The following CLK4 variants were observed in gnomAD, a reference collection of about 807,000 sequenced individuals.
CLK4 encodes the protein dual specificity protein kinase CLK4.
A neutral mutation model predicts 64.4 loss-of-function variants in CLK4; 37 were observed. That is an observed-to-expected ratio of 0.57 (90% CI 0.44 to 0.76). The LOEUF (loss-of-function observed/expected upper bound fraction) is 0.76. Among genes scored for constraint, CLK4 ranks in the 30% least tolerant of loss-of-function variants. The probability of loss-of-function intolerance (pLI) is 0.00; values close to 1 mark genes in which losing one functional copy is unlikely to be tolerated. For synonymous variants in CLK4, 175 were observed against 191.6 expected, an observed-to-expected ratio of 0.91 and a Z score of 0.72; for missense variants, 457 against 605.1, an observed-to-expected ratio of 0.76 and a Z score of 2.57.
intron 9 of CLK4, among the ~76,000 whole-genome samples, chr5:178,609,426 T>G (rs568844386): frequency 3.3e-5 from 5 of 152,310 alleles, no homozygotes; most frequent in Admixed American, 2.0e-4. Context: ...CTCATGCCTG[T>G]AATCCCAGCA....
rs1273832387 is a variant in CLK4, at chr5:178,615,358, A to C, written c.543-1515T>G. Among the ~76,000 whole-genome samples the C allele has an allele frequency of 2.0e-5, 3 of 152,222 alleles. No individual in the cohort carries two copies. In the East Asian group the frequency reaches 5.8e-4, roughly 29 times the overall value. The stretch of plus-strand genomic sequence containing the variant: ...GTATAATGATAAAGCAAATCTTATA[A>C]AATGTAAACATTTGGAAAATAGGTT... On this transcript the variant is annotated intron_variant, in intron 5 of 12. Transcript: ENST00000316308.
chr5:178,612,977 T>A (rs957407462), intron 7 of CLK4, 87 bp from the exon 8 acceptor site: 1 of 632,254 alleles, frequency 1.6e-6, no homozygotes, highest in Non-Finnish European at 2.8e-6. Context: ...AAGGATATAG[T>A]GGTCAAGAGA....
At chr5:178,614,813 T>C (rs1440884954) in intron 5 of CLK4, among the ~76,000 whole-genome samples, 1 of 152,232 alleles carries the variant, frequency 6.6e-6, no homozygotes, top group East Asian at 1.9e-4. Flanking sequence ...TAAAAAAATT[T>C]TTTAATGCTT....
Position 178,605,145 on chromosome 5 carries a change from A to G in CLK4, c.1214+158T>C, listed in dbSNP as rs375932280. Reference sequence around the variant, plus strand: ...ACTCCATCTCAAAAAAAAAAAAAGGAGTAAGATGAAGTTAGAAGTTACCTC... The same window carrying G: ...ACTCCATCTCAAAAAAAAAAAAAGGGGTAAGATGAAGTTAGAAGTTACCTC... On this transcript the variant is annotated intron_variant, in intron 11 of 12. Coordinates refer to ENST00000316308, the MANE Select transcript of CLK4 (RefSeq NM_020666.3). The G allele has an allele frequency of 1.5e-3, 479 of 328,486 alleles. 3 individuals are homozygous for G. The highest frequency in any genetic ancestry group is 0.011 in the African/African-American group (446 of 41,478). The allele number at this position is 328,486 out of a possible 1,614,324, so 20.3% of individuals were successfully genotyped here.
rs1461207539 is a variant in CLK4 at position 178,617,852 on chromosome 5, T to C, written c.385-418A>G. The C allele has an allele frequency of 1.3e-5, 2 of 152,796 alleles. No individual in the cohort carries two copies. Among genetic ancestry groups the C allele is most frequent in the Non-Finnish European group, 2.9e-5 (2 of 68,474 alleles). 9.5% of individuals were successfully genotyped at this position (152,796 alleles called of 1,614,324 possible). A position where few individuals can be genotyped will look rare whatever the true frequency, so the allele number is the denominator to read the frequency against. On this transcript the variant is annotated intron_variant, in intron 3 of 12. Coordinates refer to ENST00000316308, the MANE Select transcript of CLK4 (RefSeq NM_020666.3). This position sits in a 1 kb window ranked among gnomAD's most constrained non-coding sequence, Gnocchi z 5.2. ...AAAATGTCAAGACTATTTGAAATTA[T>C]TCTAATTTAGCAATATTTTAAAATA... is the stretch of plus-strand genomic sequence containing the variant.
chr5:178,620,233 G>A, intron 2 of CLK4: 1 of 247,482 alleles, frequency 4.0e-6, no homozygotes. Context: ...CTGATCAGTT[G>A]GCTTGGAACT....
chr5:178,626,610 G>A (rs1562132486), intron 1 of CLK4, among the ~76,000 whole-genome samples: 1 of 152,236 alleles, frequency 6.6e-6, no homozygotes, highest in African/African-American at 2.4e-5. Flanking sequence ...GGCTCTCGAA[G>A]GGTCTCCCGA....
chr5:178,619,172 T>C (rs1381857717), intron 2 of CLK4, among the ~76,000 whole-genome samples: 1 of 152,222 alleles, frequency 6.6e-6, no homozygotes, highest in Non-Finnish European at 1.5e-5. Context: ...GCATTTTAGA[T>C]ATCCCTGGCA....
In CLK4 at chr5:178,623,459, T is replaced by C. The variant is rs367662167; in HGVS notation, c.1-43A>G. 144 of 1,490,208 alleles carry C rather than the reference T, an allele frequency of 9.7e-5. 1 individual carries two copies. Among genetic ancestry groups the C allele is most frequent in the Non-Finnish European group, 1.3e-4 (141 of 1,112,800 alleles). The allele number at this position is 1,490,208 out of a possible 1,614,324, so 92.3% of individuals were successfully genotyped here. On this transcript the variant is annotated intron_variant, in intron 1 of 12. Coordinates refer to ENST00000316308, the MANE Select transcript of CLK4 (RefSeq NM_020666.3). ...AAGGGAATTGTGGAGGTTACAGATG[T>C]GTGATAGGTAAATTATTATATATTA...
At chr5:178,624,131 A>G (rs1647001897) in intron 1 of CLK4, among the ~76,000 whole-genome samples, 2 of 152,222 alleles carry the variant, frequency 1.3e-5, no homozygotes, top group African/African-American at 4.8e-5. Flanking sequence ...AGCTTTGAGA[A>G]TATTAGTTCT....
chr5:178,625,968 A>G (rs1764773709), intron 1 of CLK4, among the ~76,000 whole-genome samples: 2 of 152,258 alleles, frequency 1.3e-5, no homozygotes, highest in Admixed American at 6.5e-5. Context: ...CCTCTAATAA[A>G]GCATCCCACA....
chr5:178,613,854 A>C lies in CLK4; in HGVS notation c.543-11T>G, dbSNP rs760392244. ...ACATGCATGCCATCCCTTAAAAATA[A>C]AATTAAGATAAAAATGATAAATGTA... On this transcript the variant is annotated splice_polypyrimidine_tract_variant and intron_variant, in intron 5 of 12. Coordinates refer to ENST00000316308, the MANE Select transcript of CLK4 (RefSeq NM_020666.3). 5 of 1,590,196 alleles carry C rather than the reference A, an allele frequency of 3.1e-6. No individual in the cohort carries two copies. Among genetic ancestry groups the C allele is most frequent in the Non-Finnish European group, 4.3e-6 (5 of 1,158,782 alleles).
Position 178,603,772 on chromosome 5 carries a change from T to G in CLK4, c.1306-15A>C. 1 of 1,579,508 alleles carries G rather than the reference T, an allele frequency of 6.3e-7. No homozygotes were observed. Among genetic ancestry groups the G allele is most frequent in the Non-Finnish European group, 8.6e-7 (1 of 1,168,198 alleles). Reference sequence around the variant, plus strand: ...AGCATAAATTCCTGGGGGAGAAATGTTTTTGTTTTAAAAAAAATTATTAAT... The same window carrying G: ...AGCATAAATTCCTGGGGGAGAAATGGTTTTGTTTTAAAAAAAATTATTAAT... On this transcript the variant is annotated splice_polypyrimidine_tract_variant and intron_variant, in intron 12 of 12. Transcript: ENST00000316308.
intron 9 of CLK4, among the ~76,000 whole-genome samples, chr5:178,610,211 A>C (rs879610820): frequency 2.0e-5 from 3 of 150,726 alleles, no homozygotes; most frequent in Admixed American, 2.0e-4. Context: ...AATCGCTTGA[A>C]CCCGGGAGGC....
chr5:178,606,963 G>GAA (rs370795283), intron 10 of CLK4, among the ~76,000 whole-genome samples: 2 of 137,536 alleles, frequency 1.5e-5, no homozygotes, highest in Non-Finnish European at 1.6e-5. Context: ...CCATCTCAGG[G>GAA]AAAAAAAAAA....
In CLK4 at chr5:178,609,043, T is replaced by G. The variant is rs186375190; in HGVS notation, c.1052-585A>C. Among the ~76,000 whole-genome samples, 683 of 152,316 alleles carry G rather than the reference T, an allele frequency of 4.5e-3. 2 individuals carry two copies. The highest frequency in any genetic ancestry group is 0.015 in the African/African-American group (638 of 41,576). ...AGACACATTGGAGCTCAGAGAGGGA[T>G]CTATACATAAACATCGGCGCTGTCT... On this transcript the variant is annotated intron_variant, in intron 9 of 12. Transcript: ENST00000316308.
chr5:178,604,577 C>A (rs1764439145), intron 11 of CLK4: 1 of 152,038 alleles, frequency 6.6e-6, no homozygotes, highest in Non-Finnish European at 1.5e-5. Context: ...GGTTTGGAAT[C>A]AAACTTCCAC....
rs752716593 is a variant in CLK4 at position 178,612,832 on chromosome 5, CACAA to C, written c.881_884del (p.Phe294Ter). The C allele has an allele frequency of 1.9e-6, 3 of 1,580,270 alleles. No individual in the cohort carries two copies. The African/African-American group carries it at 4.0e-5, about 21-fold the overall frequency. On this transcript the variant is annotated frameshift_variant, in exon 8 of 13. Transcript: ENST00000316308. LOFTEE classifies it high-confidence loss of function. ...TATATTTGACTACATAGTCAGACTT[CACAA>C]ACAAAATATTTTCAGGCTTCAGATC... is the stretch of plus-strand genomic sequence containing the variant.
At chr5:178,612,344 C>A in intron 9 of CLK4, 72 bp downstream of exon 9, 1 of 1,357,734 alleles carries the variant, frequency 7.4e-7, no homozygotes, top group Non-Finnish European at 1.0e-6. Context: ...CTTCCCCACC[C>A]CACCAGTAAA....
Sources: allele counts gnomAD v4.1 joint callset (sites outside exome capture counted in the v4.1 genomes callset), GRCh38; gene constraint gnomAD v4.1.1; non-coding constraint Gnocchi (gnomAD v3.1); transcripts MANE v1.5; gene names NCBI Gene and HGNC (gene_info 2026-07-23, HGNC 2026-07-21).